The following ARHGEF7 variants were observed in gnomAD, a reference collection of about 807,000 sequenced individuals.
The protein encoded by ARHGEF7 is Rho guanine nucleotide exchange factor 7, also known as PAK-interacting exchange factor beta.
In ARHGEF7, 33 loss-of-function variants were observed where a neutral mutation model predicts 109.8. The observed-to-expected ratio is 0.30, with a 90% confidence interval of 0.23 to 0.40. The LOEUF is 0.40. Among genes scored for constraint, ARHGEF7 ranks in the 10% least tolerant of loss-of-function variants. ARHGEF7 has a pLI of 1.00. For missense variants in ARHGEF7, 938 were observed against 1,098.5 expected, an observed-to-expected ratio of 0.85 and a Z score of 2.07; for synonymous variants, 458 against 424.6, an observed-to-expected ratio of 1.08 and a Z score of -0.97.
Position 111,239,109 on chromosome 13 carries a change from C to T in ARHGEF7, c.760-4763C>T, listed in dbSNP as rs182566076. The stretch of plus-strand genomic sequence containing the variant: ...TCACCATGAGAACAGCATAGGGGAA[C>T]GCGCTGCGTGCCCCTGCTCCCCCAC... On this transcript the variant is annotated intron_variant, in intron 6 of 21. Transcript: ENST00000646102. The surrounding 1 kb of genome is among the most constrained non-coding windows in gnomAD (Gnocchi z 4.3). 2.6e-4 allele frequency among the ~76,000 whole-genome samples: 40 copies of T among 152,172 alleles called. 1 individual carries two copies. The South Asian group carries it at 3.1e-3, about 12-fold the overall frequency.
At chr13:111,158,129 G>A (rs1243076185) in intron 2 of ARHGEF7, among the ~76,000 whole-genome samples, 1 of 152,124 alleles carries the variant, frequency 6.6e-6, no homozygotes, top group Non-Finnish European at 1.5e-5. Context: ...TTTTAACTTA[G>A]TTCTGTTTGA....
intron 2 of ARHGEF7, among the ~76,000 whole-genome samples, chr13:111,161,995 C>T (rs2076781894): frequency 6.6e-6 from 1 of 152,290 alleles, no homozygotes; most frequent in East Asian, 1.9e-4. Flanking sequence ...CATTTCTGTA[C>T]CACACCCTTA....
chr13:111,118,826 C>G (rs2066978809), intron 1 of ARHGEF7, among the ~76,000 whole-genome samples: 1 of 152,192 alleles, frequency 6.6e-6, no homozygotes, highest in East Asian at 1.9e-4. Context: ...ATAAAAAACT[C>G]AAGGAACTTG....
chr13:111,296,325 A>C (rs116738828), intron 19 of ARHGEF7, among the ~76,000 whole-genome samples: 2,245 of 152,326 alleles, frequency 0.015, 50 homozygotes, highest in African/African-American at 0.051. Context: ...CATGTGTACC[A>C]GCCTTCTGTG....
Position 111,267,529 on chromosome 13 carries a change from T to C in ARHGEF7, c.951-19T>C, listed in dbSNP as rs2091763254. On this transcript the variant is annotated intron_variant, in intron 8 of 21. Coordinates refer to ENST00000646102, the MANE Select transcript of ARHGEF7 (RefSeq NM_001354046.2). ...CTGTAAAACTGATGACTATTTCCCT[T>C]TGTGTCGCATTTCTCCAGGTTGCCC... 1.2e-6 allele frequency: 2 copies of C among 1,613,194 alleles called. No homozygotes were observed. Among genetic ancestry groups the C allele is most frequent in the East Asian group, 2.2e-5 (1 of 44,840 alleles).
rs2075868231 is a variant in ARHGEF7 at position 111,151,161 on chromosome 13, CAT to C, written c.166-2742_166-2741del. On this transcript the variant is annotated intron_variant, in intron 1 of 21. Transcript: ENST00000646102. ...GGGGCTCGTGTGACCATTTACATTA[CAT>C]AGGTTCATTTGCCAACATTCTTATA... is the stretch of plus-strand genomic sequence containing the variant. Among the ~76,000 whole-genome samples the C allele has an allele frequency of 2.0e-5, 3 of 152,218 alleles. No individual in the cohort carries two copies. In the South Asian group the frequency reaches 6.2e-4, roughly 31 times the overall value.
chr13:111,258,057 G>C lies in ARHGEF7; in HGVS notation c.951-9491G>C, dbSNP rs2090639775. 6.6e-6 allele frequency among the ~76,000 whole-genome samples: 1 copy of C among 152,220 alleles called. No homozygotes were observed. Among genetic ancestry groups the C allele is most frequent in the South Asian group, 2.1e-4 (1 of 4,830 alleles). ...GCTGGGGCTCTGAGCCAGTGGCCTT[G>C]GGGGGCCTGCAACCTAGTGAGACCT... On this transcript the variant is annotated intron_variant, in intron 8 of 21. Coordinates refer to ENST00000646102, the MANE Select transcript of ARHGEF7 (RefSeq NM_001354046.2). The surrounding 1 kb of genome is among the most constrained non-coding windows in gnomAD (Gnocchi z 4.4).
At chr13:111,236,261 C>T (rs977252024) in intron 6 of ARHGEF7, among the ~76,000 whole-genome samples, 6 of 152,110 alleles carry the variant, frequency 3.9e-5, no homozygotes, top group Non-Finnish European at 5.9e-5. Context: ...TCCTTTAGTT[C>T]TTTGGACATA....
intron 1 of ARHGEF7, 140 bp from the exon 2 acceptor site, chr13:111,153,765 G>A: frequency 3.0e-6 from 4 of 1,354,978 alleles, no homozygotes; most frequent in Non-Finnish European, 3.8e-6. Flanking sequence ...CTGGGGCAGC[G>A]GGCTCGCTCC....
At chr13:111,274,217 G>T (rs140732307) in intron 10 of ARHGEF7, among the ~76,000 whole-genome samples, 4 of 152,318 alleles carry the variant, frequency 2.6e-5, no homozygotes, top group African/African-American at 9.6e-5. Context: ...AGATAGTGTT[G>T]AGATGTCTTA....
intron 8 of ARHGEF7, among the ~76,000 whole-genome samples, chr13:111,260,081 AT>A (rs2090920527): frequency 6.6e-6 from 1 of 152,210 alleles, no homozygotes. Context: ...TAAAGAAAGA[AT>A]CAAAAACAAT....
At chr13:111,201,284 G>A (rs190539375) in intron 2 of ARHGEF7, among the ~76,000 whole-genome samples, 13 of 152,228 alleles carry the variant, frequency 8.5e-5, no homozygotes, top group Admixed American at 5.9e-4. Context: ...TGCCCAAATC[G>A]CTTTATATAT....
chr13:111,288,535 T>A, intron 18 of ARHGEF7, 92 bp downstream of exon 18: 1 of 951,708 alleles, frequency 1.1e-6, no homozygotes, highest in Non-Finnish European at 1.6e-6. Flanking sequence ...GTAGGCCCCT[T>A]GCACAGCCCA....
intron 12 of ARHGEF7, 103 bp downstream of exon 12, chr13:111,275,781 A>G: frequency 2.8e-6 from 4 of 1,416,586 alleles, no homozygotes; most frequent in Non-Finnish European, 4.0e-6. Context: ...TGTCTAATAG[A>G]AGCTCTATCT....
intron 3 of ARHGEF7, among the ~76,000 whole-genome samples, chr13:111,207,924 A>G (rs1378376952): frequency 6.6e-6 from 1 of 152,256 alleles, no homozygotes; most frequent in Non-Finnish European, 1.5e-5. Context: ...GTTACCACAT[A>G]AACTTGGTAC....
chr13:111,232,669 G>C lies in ARHGEF7; in HGVS notation c.671-536G>C, dbSNP rs1438938459. On this transcript the variant is annotated intron_variant, in intron 5 of 21. Coordinates refer to ENST00000646102, the MANE Select transcript of ARHGEF7 (RefSeq NM_001354046.2). Reference sequence around the variant, plus strand: ...CCTGGTGTGGAAGTGAAGGCGGTGTGGGTTTTTCTTGTTTTTGCCCCTGCT... The same window carrying C: ...CCTGGTGTGGAAGTGAAGGCGGTGTCGGTTTTTCTTGTTTTTGCCCCTGCT... Among the ~76,000 whole-genome samples, 3 of 152,130 alleles carry C rather than the reference G, an allele frequency of 2.0e-5. No individual in the cohort carries two copies. The East Asian group carries it at 5.8e-4, about 29-fold the overall frequency.
At position 111,305,640 on chromosome 13, in the gene ARHGEF7, AT is replaced by A. The variant is rs2093634737; in HGVS notation, c.*2530del. 3 of 152,200 alleles carry A rather than the reference AT, an allele frequency of 2.0e-5. No individual in the cohort carries two copies. Among genetic ancestry groups the A allele is most frequent in the African/African-American group, 7.2e-5 (3 of 41,458 alleles). The allele number at this position is 152,200 out of a possible 1,614,324, so 9.4% of individuals were successfully genotyped here. On this transcript the variant is annotated 3_prime_UTR_variant, in exon 22 of 22. Coordinates refer to ENST00000646102, the MANE Select transcript of ARHGEF7 (RefSeq NM_001354046.2). ...GTTGACAAGTGTGGAGAAACTCCTA[AT>A]TTAAATGTCACAGACAATGTCCTAG...
At position 111,253,569 on chromosome 13, in the gene ARHGEF7, C is replaced by A. The variant is rs143572343; in HGVS notation, c.950+9275C>A. Among the ~76,000 whole-genome samples the A allele has an allele frequency of 3.9e-5, 6 of 152,310 alleles. No homozygotes were observed. The East Asian group carries it at 1.2e-3, about 29-fold the overall frequency. ...CTTTGTTTAGATGCCAGCGCATGGG[C>A]TGGCAAACAGTGGAGATAGCAGGAT... On this transcript the variant is annotated intron_variant, in intron 8 of 21. Transcript: ENST00000646102.
chr13:111,182,384 T>A (rs2078836474), intron 2 of ARHGEF7: 1 of 152,484 alleles, frequency 6.6e-6, no homozygotes, highest in African/African-American at 2.4e-5. Context: ...TAAAAGCTTG[T>A]CTGCATGTGT....
Sources: gnomAD v4.1 joint callset for allele counts (sites outside exome capture counted in the v4.1 genomes callset) on GRCh38, gnomAD v4.1.1 for gene constraint, Gnocchi (gnomAD v3.1) non-coding constraint, MANE v1.5 for transcripts, NCBI Gene and HGNC (gene_info 2026-07-23, HGNC 2026-07-21) for gene names.